The following ATG7 variants were observed in gnomAD, a reference collection of about 807,000 sequenced individuals.
ATG7 encodes autophagy related 7.
In ATG7, 70 loss-of-function variants were observed where a neutral mutation model predicts 82.4. The observed-to-expected ratio is 0.85, with a 90% CI of 0.70 to 1.04. ATG7 has a LOEUF of 1.04. ATG7 is among the 50% of genes least tolerant of loss of function. The pLI is 0.00. For synonymous variants in ATG7, 287 were observed against 313.0 expected (o/e 0.92, Z 0.88); for missense variants, 792 against 864.3 (o/e 0.92, Z 1.05).
Position 11,554,799 on chromosome 3 carries a change from T to C in ATG7, c.2080-12T>C, listed in dbSNP as rs1432195016. ...GGACATCTCGGCTGAGCCTCTCCCCTTCTCCATGCAGATCTGGGACATGAG... is the reference window on the plus strand; with the variant it reads ...GGACATCTCGGCTGAGCCTCTCCCCCTCTCCATGCAGATCTGGGACATGAG... On this transcript the variant is annotated splice_polypyrimidine_tract_variant and intron_variant, in intron 20 of 20. Transcript: ENST00000693202. 2 of 1,613,248 alleles carry C rather than the reference T, an allele frequency of 1.2e-6. No individual in the cohort carries two copies. Among genetic ancestry groups the C allele is most frequent in the East Asian group, 4.5e-5 (2 of 44,844 alleles).
Position 11,540,178 on chromosome 3 carries a change from T to A in ATG7, c.2080-14633T>A, listed in dbSNP as rs7630816. On this transcript the variant is annotated intron_variant, in intron 20 of 20. Transcript: ENST00000693202. Reference sequence around the variant, plus strand: ...TGTTGCCACCAGCAGAGTTTGAGAGTTCTGGTTGTGCCATGTGCTTGTCAG... The same window carrying A: ...TGTTGCCACCAGCAGAGTTTGAGAGATCTGGTTGTGCCATGTGCTTGTCAG... Among the ~76,000 whole-genome samples, 303 of 152,292 alleles carry A rather than the reference T, an allele frequency of 2.0e-3. 1 individual carries two copies. Among genetic ancestry groups the A allele is most frequent in the African/African-American group, 7.0e-3 (290 of 41,562 alleles).
chr3:11,559,340 G>T (rs756392330), downstream of ATG7: 2 of 1,544,284 alleles, frequency 1.3e-6, no homozygotes, highest in East Asian at 4.9e-5. Context: ...ACCGCTCGGT[G>T]GCCTCCGGTA....
chr3:11,318,349 A>C (rs1949730751), intron 9 of ATG7, among the ~76,000 whole-genome samples: 1 of 152,236 alleles, frequency 6.6e-6, no homozygotes, highest in Non-Finnish European at 1.5e-5. Flanking sequence ...GAGATCAGAC[A>C]TTGACCTGTG....
chr3:11,312,993 T>G (rs1029078744), intron 7 of ATG7, among the ~76,000 whole-genome samples: 3 of 151,892 alleles, frequency 2.0e-5, no homozygotes, highest in African/African-American at 4.8e-5. Flanking sequence ...CCCAGGGGGG[T>G]TTTGTAGGTT....
At chr3:11,558,328 A>G, downstream of ATG7, 1 of 683,606 alleles carries the variant, frequency 1.5e-6, no homozygotes, top group East Asian at 2.7e-5. Flanking sequence ...GCTACATTAG[A>G]CAGATGTTCC....
intron 11 of ATG7, among the ~76,000 whole-genome samples, chr3:11,334,429 GA>G (rs1175948941): frequency 6.6e-6 from 1 of 151,342 alleles, no homozygotes; most frequent in African/African-American, 2.4e-5. Context: ...ATTTTTAGTA[GA>G]GACAGGTTTC....
At chr3:11,480,764 C>G (rs1323748858) in intron 20 of ATG7, among the ~76,000 whole-genome samples, 1 of 152,204 alleles carries the variant, frequency 6.6e-6, no homozygotes, top group Non-Finnish European at 1.5e-5. Context: ...CCAAGTCACA[C>G]AAATCTGTCA....
chr3:11,377,103 T>TTAGG (rs2077477431), intron 18 of ATG7, among the ~76,000 whole-genome samples: 1 of 152,138 alleles, frequency 6.6e-6, no homozygotes, highest in Non-Finnish European at 1.5e-5. Context: ...GAGCTGTGTA[T>TTAGG]TAGGAAAACT....
chr3:11,447,470 GAAAAA>G, intron 20 of ATG7, among the ~76,000 whole-genome samples: 1 of 135,512 alleles, frequency 7.4e-6, no homozygotes, highest in Admixed American at 7.4e-5. Context: ...CCGTCTCAGG[GAAAAA>G]AAAAAAAAAA....
chr3:11,385,634 C>T (rs2078266291), intron 19 of ATG7, among the ~76,000 whole-genome samples: 1 of 152,206 alleles, frequency 6.6e-6, no homozygotes, highest in Non-Finnish European at 1.5e-5. Context: ...CTTGTTACGG[C>T]ATCCCAATAC....
chr3:11,495,084 A>C (rs2090715824), intron 20 of ATG7, among the ~76,000 whole-genome samples: 1 of 152,052 alleles, frequency 6.6e-6, no homozygotes, highest in African/African-American at 2.4e-5. Context: ...TCTCAGAAAA[A>C]AAAAAGGCTT....
intron 20 of ATG7, among the ~76,000 whole-genome samples, chr3:11,485,052 T>C (rs906991165): frequency 6.6e-6 from 1 of 152,208 alleles, no homozygotes; most frequent in African/African-American, 2.4e-5. Flanking sequence ...CCTTTGGGTA[T>C]ATACCCAGTA....
rs1559845668 is a variant in ATG7, at chr3:11,557,339, T to C, written c.*2496T>C. 1 of 119,980 alleles carries C rather than the reference T, an allele frequency of 8.3e-6. No homozygotes were observed. The highest frequency in any genetic ancestry group is 1.6e-5 in the Non-Finnish European group (1 of 64,382). 7.4% of individuals were successfully genotyped at this position (119,980 alleles called of 1,614,324 possible). On this transcript the variant is annotated 3_prime_UTR_variant, in exon 21 of 21. Coordinates refer to ENST00000693202, the MANE Select transcript of ATG7 (RefSeq NM_001349232.2). The stretch of plus-strand genomic sequence containing the variant: ...ATAAAACACCATATCACAGATTGTC[T>C]GTCAGTAATCTGCTGTTCAGCCAAG...
chr3:11,538,677 T>TAAA (rs560029572), intron 20 of ATG7, among the ~76,000 whole-genome samples: 3 of 47,646 alleles, frequency 6.3e-5, no homozygotes, highest in Non-Finnish European at 9.9e-5. Flanking sequence ...ACTCCGTCTC[T>TAAA]AAAAAAAAAA....
In ATG7 at chr3:11,406,044, T is replaced by C. The variant is rs1189162125; in HGVS notation, c.1957-20760T>C. On this transcript the variant is annotated intron_variant, in intron 19 of 20. Transcript: ENST00000693202. ...TCACTCTGTTACCCAGGCTGGAGTG[T>C]AGTGGCATGATCCCGGCTCACTGCA... Among the ~76,000 whole-genome samples, 6 of 150,756 alleles carry C rather than the reference T, an allele frequency of 4.0e-5. 1 individual carries two copies. The highest frequency in any genetic ancestry group is 4.0e-4 in the Admixed American group (6 of 15,128).
intron 20 of ATG7, among the ~76,000 whole-genome samples, chr3:11,541,006 T>C (rs1232339657): frequency 6.6e-6 from 1 of 151,092 alleles, no homozygotes; most frequent in Non-Finnish European, 1.5e-5. Flanking sequence ...TTCACGCCAT[T>C]CTCCTGCCTC....
chr3:11,459,431 T>C (rs929860615), intron 20 of ATG7, among the ~76,000 whole-genome samples: 4 of 152,082 alleles, frequency 2.6e-5, no homozygotes, highest in Non-Finnish European at 4.4e-5. Context: ...AAGATAGCTA[T>C]ACTCAACATC....
the ATG7 span, chr3:11,564,711 T>TCCCACACCAC: frequency 7.2e-7 from 1 of 1,380,782 alleles, no homozygotes; most frequent in Non-Finnish European, 9.8e-7. Flanking sequence ...ACCACCGCCC[T>TCCCACACCAC]CGGAGTCCTC....
At chr3:11,541,441 A>G (rs991017666) in intron 20 of ATG7, among the ~76,000 whole-genome samples, 4 of 152,140 alleles carry the variant, frequency 2.6e-5, no homozygotes, top group African/African-American at 7.2e-5. Context: ...GTACCAAACT[A>G]TCTGCTGCCT....
Sources: allele counts gnomAD v4.1 joint callset (sites outside exome capture counted in the v4.1 genomes callset), GRCh38; gene constraint gnomAD v4.1.1; transcripts MANE v1.5; gene names NCBI Gene and HGNC (gene_info 2026-07-23, HGNC 2026-07-21).